Variants in ARL14EPL observed in about 807,000 individuals in gnomAD.
The protein encoded by ARL14EPL is ARF like GTPase 14 effector protein like.
ARL14EPL carries 17 observed loss-of-function variants against 15.9 expected under a neutral mutation model. The observed-to-expected ratio is 1.07, with a 90% CI of 0.73 to 1.60. ARL14EPL has a LOEUF of 1.60. ARL14EPL is among the 40% of genes most tolerant of loss of function. The probability of loss-of-function intolerance (pLI) is 0.00; values close to 1 mark genes in which losing one functional copy is unlikely to be tolerated. For missense variants in ARL14EPL, 214 were observed against 185.9 expected (o/e 1.15, Z -0.88); for synonymous variants, 78 against 63.8 (o/e 1.22, Z -1.06).
chr5:116,040,725 G>T (rs1749135323), intron 1 of ARL14EPL, among the ~76,000 whole-genome samples: 1 of 151,102 alleles, frequency 6.6e-6, no homozygotes, highest in Admixed American at 6.6e-5. Context: ...GAGTTTTTAT[G>T]CTGTTTGGGA....
rs751408766 is a variant in ARL14EPL at position 116,059,122 on chromosome 5, T to C, written c.*175T>C. 10 of 642,380 alleles carry C rather than the reference T, an allele frequency of 1.6e-5. No individual in the cohort carries two copies. Among genetic ancestry groups the C allele is most frequent in the Admixed American group, 3.0e-5 (1 of 33,598 alleles). The allele number at this position is 642,380 out of a possible 1,614,324, so 39.8% of individuals were successfully genotyped here. ...GCAATAATTCTGTAACCTTCTTAAC[T>C]GTGTCAACAATTTTCAAGTCCCTTA... On this transcript the variant is annotated 3_prime_UTR_variant, in exon 4 of 4. Transcript: ENST00000686077.
chr5:116,047,646 A>T (rs551970363), intron 1 of ARL14EPL, among the ~76,000 whole-genome samples: 1 of 152,240 alleles, frequency 6.6e-6, no homozygotes, highest in African/African-American at 2.4e-5. Flanking sequence ...TTCTCCCTGG[A>T]CTCTCTGAGC....
chr5:116,050,829 G>GCACACA (rs10612147), intron 1 of ARL14EPL, among the ~76,000 whole-genome samples: 4 of 140,980 alleles, frequency 2.8e-5, no homozygotes, highest in African/African-American at 7.9e-5. Context: ...ACACACACAT[G>GCACACA]CACACACACA....
At chr5:116,046,633 C>G (rs567929261) in intron 1 of ARL14EPL, among the ~76,000 whole-genome samples, 73 of 152,254 alleles carry the variant, frequency 4.8e-4, no homozygotes, top group Admixed American at 9.2e-4. Context: ...ATTCAGCCAT[C>G]ATGGCTCCTA....
chr5:116,036,858 G>A (rs1393483364), intron 1 of ARL14EPL, among the ~76,000 whole-genome samples: 3 of 152,002 alleles, frequency 2.0e-5, no homozygotes, highest in Non-Finnish European at 4.4e-5. Context: ...TCAAATTTGT[G>A]AAAACATCAG....
In ARL14EPL at chr5:116,059,061, T is replaced by A; in HGVS notation, c.*114T>A. Reference sequence around the variant, plus strand: ...AATATCGAAAAAACATACTGAAGACTCATGTTCTGTCAAGCCCCAGAACAA... The same window carrying A: ...AATATCGAAAAAACATACTGAAGACACATGTTCTGTCAAGCCCCAGAACAA... On this transcript the variant is annotated 3_prime_UTR_variant, in exon 4 of 4. Transcript: ENST00000686077. The A allele has an allele frequency of 1.1e-6, 1 of 918,424 alleles. No individual in the cohort carries two copies. Among genetic ancestry groups the A allele is most frequent in the Non-Finnish European group, 1.7e-6 (1 of 605,058 alleles). 56.9% of individuals were successfully genotyped at this position (918,424 alleles called of 1,614,324 possible).
At chr5:116,045,958 G>A (rs924668949) in intron 1 of ARL14EPL, among the ~76,000 whole-genome samples, 3 of 152,144 alleles carry the variant, frequency 2.0e-5, no homozygotes, top group African/African-American at 7.2e-5. Flanking sequence ...TTATTGTCTT[G>A]TGGTTTTGAA....
intron 1 of ARL14EPL, among the ~76,000 whole-genome samples, chr5:116,045,196 C>A (rs919195849): frequency 2.6e-5 from 4 of 152,024 alleles, no homozygotes; most frequent in African/African-American, 9.7e-5. Context: ...AATTGGAGTT[C>A]CTTTAATTCA....
At chr5:116,042,402 G>A (rs1376557335) in intron 1 of ARL14EPL, among the ~76,000 whole-genome samples, 4 of 152,142 alleles carry the variant, frequency 2.6e-5, no homozygotes, top group Non-Finnish European at 5.9e-5. Context: ...TCCAGTGAAG[G>A]AGCTACTGGT....
chr5:116,035,561 C>CA (rs1749034400), intron 1 of ARL14EPL, among the ~76,000 whole-genome samples: 2 of 152,284 alleles, frequency 1.3e-5, no homozygotes, highest in African/African-American at 4.8e-5. Context: ...GCTGAGAAAA[C>CA]ATCGAGGCAG....
At chr5:116,048,527 A>G (rs1043982250) in intron 1 of ARL14EPL, among the ~76,000 whole-genome samples, 4 of 152,326 alleles carry the variant, frequency 2.6e-5, no homozygotes, top group East Asian at 1.9e-4. Context: ...AAGGAAACCA[A>G]TTATACTGAA....
chr5:116,040,842 G>C (rs922361725), intron 1 of ARL14EPL, among the ~76,000 whole-genome samples: 1 of 149,166 alleles, frequency 6.7e-6, no homozygotes, highest in Admixed American at 6.6e-5. Context: ...TTAGTCGGGC[G>C]TGGTGGCGGG....
intron 1 of ARL14EPL, among the ~76,000 whole-genome samples, chr5:116,046,470 C>T (rs745704018): frequency 6.6e-6 from 1 of 152,170 alleles, no homozygotes; most frequent in Non-Finnish European, 1.5e-5. Flanking sequence ...CCTGGAGTGT[C>T]GCTCAATGAC....
At chr5:116,049,417 T>A (rs983662330) in intron 1 of ARL14EPL, among the ~76,000 whole-genome samples, 1 of 152,218 alleles carries the variant, frequency 6.6e-6, no homozygotes, top group Non-Finnish European at 1.5e-5. Context: ...GGTCTGACAT[T>A]GCATGTGAGA....
intron 1 of ARL14EPL, among the ~76,000 whole-genome samples, chr5:116,044,295 G>A (rs1334695831): frequency 6.6e-6 from 1 of 152,088 alleles, no homozygotes; most frequent in Non-Finnish European, 1.5e-5. Flanking sequence ...CAGTGAAGTG[G>A]GTTTTAATAA....
intron 1 of ARL14EPL, among the ~76,000 whole-genome samples, chr5:116,046,804 G>T (rs1400529182): frequency 1.3e-5 from 2 of 152,134 alleles, no homozygotes; most frequent in Non-Finnish European, 2.9e-5. Context: ...TGACTTAACT[G>T]TGTCCTCTCC....
chr5:116,058,616 C>T, intron 3 of ARL14EPL, 109 bp from the exon 4 acceptor site: 1 of 1,039,202 alleles, frequency 9.6e-7, no homozygotes, highest in Non-Finnish European at 1.4e-6. Context: ...CTCTGGAGTT[C>T]TGGGTCAGGG....
intron 1 of ARL14EPL, among the ~76,000 whole-genome samples, chr5:116,047,057 C>T (rs1162595655): frequency 6.6e-6 from 1 of 152,144 alleles, no homozygotes; most frequent in Non-Finnish European, 1.5e-5. Context: ...ACTCAATTGG[C>T]ACCTTGATCT....
At chr5:116,050,925 G>A (rs973456112) in intron 1 of ARL14EPL, among the ~76,000 whole-genome samples, 1 of 152,046 alleles carries the variant, frequency 6.6e-6, no homozygotes, top group African/African-American at 2.4e-5. Context: ...CATTTTAGCA[G>A]TGGGGTTTTA....
Sources: allele counts gnomAD v4.1 joint callset (sites outside exome capture counted in the v4.1 genomes callset), GRCh38; gene constraint gnomAD v4.1.1; transcripts MANE v1.5; gene names NCBI Gene and HGNC (gene_info 2026-07-23, HGNC 2026-07-21).